The following HTR1F variants were observed in gnomAD, a reference collection of about 807,000 sequenced individuals.
HTR1F encodes the protein 5-hydroxytryptamine (serotonin) receptor 1F, G protein-coupled.
Under a neutral mutation model 24.0 loss-of-function variants are expected in HTR1F, and 17 were observed. That is an observed-to-expected ratio of 0.71 (90% confidence interval 0.48 to 1.06). The LOEUF (loss-of-function observed/expected upper bound fraction) is 1.06, where lower values mean the gene tolerates loss of function less well. Ranked by LOEUF, HTR1F falls within the 50% of genes least tolerant of loss-of-function variation. HTR1F has a pLI of 0.00. For missense variants in HTR1F, 391 were observed against 427.8 expected (o/e 0.91, Z 0.76); for synonymous variants, 186 against 156.8 (o/e 1.19, Z -1.39).
At chr3:87,948,579 G>A (rs1704764911) in intron 2 of HTR1F, among the ~76,000 whole-genome samples, 1 of 151,650 alleles carries the variant, frequency 6.6e-6, no homozygotes, top group East Asian at 1.9e-4. Flanking sequence ...CCTCCTGGGC[G>A]CAAGCAGTCT....
intron 2 of HTR1F, among the ~76,000 whole-genome samples, chr3:87,918,203 C>T (rs1415094605): frequency 1.3e-5 from 2 of 151,878 alleles, no homozygotes; most frequent in Non-Finnish European, 2.9e-5. Flanking sequence ...GCAAAATTGA[C>T]ATACAAGGGA....
At chr3:87,974,647 G>C (rs1420563274) in intron 2 of HTR1F, among the ~76,000 whole-genome samples, 1 of 152,092 alleles carries the variant, frequency 6.6e-6, no homozygotes, top group African/African-American at 2.4e-5. Context: ...TTGAGAAAAT[G>C]TTTTATGGCA....
intron 1 of HTR1F, among the ~76,000 whole-genome samples, 159 bp downstream of exon 1, chr3:87,793,001 T>C (rs760942375): frequency 1.8e-4 from 27 of 152,246 alleles, no homozygotes; most frequent in Non-Finnish European, 3.4e-4. Context: ...TTTCCCACAC[T>C]ACTTTGATCT....
chr3:87,945,821 C>T lies in HTR1F; in HGVS notation c.-42-44887C>T, dbSNP rs551906048. On this transcript the variant is annotated intron_variant, in intron 2 of 2. Transcript: ENST00000319595. Reference sequence around the variant, plus strand: ...AGCAAAAGTGGTCAAATATTACTCACGGCTTTAGAGGTCCCTTCTTGGTCG... The same window carrying T: ...AGCAAAAGTGGTCAAATATTACTCATGGCTTTAGAGGTCCCTTCTTGGTCG... 4.3e-4 allele frequency among the ~76,000 whole-genome samples: 66 copies of T among 152,214 alleles called. 1 individual carries two copies. The highest frequency in any genetic ancestry group is 5.9e-4 in the Non-Finnish European group (40 of 68,032).
intron 2 of HTR1F, among the ~76,000 whole-genome samples, chr3:87,978,203 T>C (rs1705440981): frequency 6.6e-6 from 1 of 152,104 alleles, no homozygotes; most frequent in South Asian, 2.1e-4. Flanking sequence ...ACTCAGAAGG[T>C]TGAAGACTCC....
At position 87,990,805 on chromosome 3, in the gene HTR1F, G is replaced by A; in HGVS notation, c.56G>A (p.Arg19Lys). 1 of 1,613,860 alleles carries A rather than the reference G, an allele frequency of 6.2e-7. No homozygotes were observed. Among genetic ancestry groups the A allele is most frequent in the Non-Finnish European group, 8.5e-7 (1 of 1,179,744 alleles). ...QNLTSEELLN[R>K]MPSKILVSLT... The stretch of plus-strand genomic sequence containing the variant: ...TTGACCTCAGAGGAACTGTTAAACA[G>A]AATGCCATCCAAAATTCTGGTGTCC... Residue 19 changes from arginine to lysine, a missense_variant, in exon 3 of 3, where the codon AGA (arginine) becomes AAA (lysine). Transcript: ENST00000319595.
At chr3:87,956,817 G>A (rs549590695) in intron 2 of HTR1F, among the ~76,000 whole-genome samples, 13 of 151,254 alleles carry the variant, frequency 8.6e-5, no homozygotes, top group African/African-American at 1.2e-4. Context: ...TTTTATTAAC[G>A]TTGTATCCTG....
rs1559656561 is a variant in HTR1F, at chr3:87,979,126, AG to A, written c.-42-11579del. The stretch of plus-strand genomic sequence containing the variant: ...AAGGAAGGGAGGAAGGAAGGGAGGG[AG>A]GGAGGGAGGGAGGGAGGGAGATGGG... On this transcript the variant is annotated intron_variant, in intron 2 of 2. Transcript: ENST00000319595. Among the ~76,000 whole-genome samples the A allele has an allele frequency of 1.6e-4, 5 of 30,748 alleles. No individual in the cohort carries two copies. In the South Asian group the frequency reaches 6.0e-3, roughly 37 times the overall value. 20.2% of individuals were successfully genotyped at this position (30,748 alleles called of 152,430 possible).
rs34843722 is a variant in HTR1F, at chr3:87,973,005, C to CAA, written c.-42-17689_-42-17688dup. Among the ~76,000 whole-genome samples, 990 of 141,122 alleles carry CAA rather than the reference C, an allele frequency of 7.0e-3. 8 individuals carry two copies. Among genetic ancestry groups the CAA allele is most frequent in the South Asian group, 0.017 (74 of 4,290 alleles). 92.6% of individuals were successfully genotyped at this position (141,122 alleles called of 152,430 possible). On this transcript the variant is annotated intron_variant, in intron 2 of 2. Coordinates refer to ENST00000319595, the MANE Select transcript of HTR1F (RefSeq NM_001322209.2). ...GGCCAACTCCATCTCTACTAAAATACAAAAAAAAAAAAAAATTTAGCCAGG... is the reference window on the plus strand; with the variant it reads ...GGCCAACTCCATCTCTACTAAAATACAAAAAAAAAAAAAAAAATTTAGCCAGG...
chr3:87,955,128 G>C (rs1295072110), intron 2 of HTR1F, among the ~76,000 whole-genome samples: 1 of 151,334 alleles, frequency 6.6e-6, no homozygotes, highest in African/African-American at 2.4e-5. Context: ...TAATAGTTGT[G>C]TATATCCTGA....
At chr3:87,929,515 T>C (rs954640847) in intron 2 of HTR1F, among the ~76,000 whole-genome samples, 6 of 152,214 alleles carry the variant, frequency 3.9e-5, no homozygotes, top group East Asian at 3.9e-4. Context: ...AGTTTCTGCA[T>C]ATGGGTAGCC....
At chr3:87,840,210 T>G (rs1704770855) in intron 2 of HTR1F, among the ~76,000 whole-genome samples, 3 of 152,192 alleles carry the variant, frequency 2.0e-5, no homozygotes, top group Admixed American at 2.0e-4. Context: ...TTATTTCTTT[T>G]TTGCTTGTTG....
At chr3:87,864,911 A>T (rs1705393361) in intron 2 of HTR1F, among the ~76,000 whole-genome samples, 1 of 151,076 alleles carries the variant, frequency 6.6e-6, no homozygotes, top group Non-Finnish European at 1.5e-5. Context: ...AAAAAAGAAA[A>T]GAAAAGAAAA....
At chr3:87,917,736 T>TA (rs145123303) in intron 2 of HTR1F, among the ~76,000 whole-genome samples, 40,076 of 148,254 alleles carry the variant, frequency 0.27, 5,689 homozygotes, top group African/African-American at 0.38. Flanking sequence ...TTAACAACAA[T>TA]AAAAAAAAAA....
At chr3:87,868,549 A>T (rs1267200840) in intron 2 of HTR1F, among the ~76,000 whole-genome samples, 1 of 151,794 alleles carries the variant, frequency 6.6e-6, no homozygotes, top group Non-Finnish European at 1.5e-5. Context: ...TTTAGGTAAA[A>T]TATTGCCTGT....
At position 87,808,338 on chromosome 3, in the gene HTR1F, A is replaced by G. The variant is rs188249557; in HGVS notation, c.-159-13670A>G. Among the ~76,000 whole-genome samples the G allele has an allele frequency of 1.4e-4, 21 of 151,932 alleles. No homozygotes were observed. The East Asian group carries it at 3.5e-3, about 25-fold the overall frequency. On this transcript the variant is annotated intron_variant, in intron 1 of 2. Transcript: ENST00000319595. The stretch of plus-strand genomic sequence containing the variant: ...AGATTTTTAATTTCTTCCTGATTCA[A>G]TCTTGGTCAGTTGTATGAGTCCAGG...
intron 2 of HTR1F, among the ~76,000 whole-genome samples, chr3:87,958,402 C>G (rs1704991319): frequency 1.3e-5 from 2 of 151,504 alleles, no homozygotes; most frequent in Non-Finnish European, 3.0e-5. Flanking sequence ...GAGTGACTGT[C>G]TGTCTCTCTT....
At chr3:87,949,721 A>G (rs567819177) in intron 2 of HTR1F, among the ~76,000 whole-genome samples, 91 of 152,176 alleles carry the variant, frequency 6.0e-4, no homozygotes, top group Non-Finnish European at 8.1e-4. Flanking sequence ...CACTCTAATT[A>G]CCATCTACTG....
intron 2 of HTR1F, among the ~76,000 whole-genome samples, chr3:87,931,210 C>T (rs1042411721): frequency 2.0e-5 from 3 of 152,020 alleles, no homozygotes; most frequent in Non-Finnish European, 4.4e-5. Flanking sequence ...CCCCCAACCC[C>T]ACAACAGTCC....
Sources: allele counts gnomAD v4.1 joint callset (sites outside exome capture counted in the v4.1 genomes callset), GRCh38; gene constraint gnomAD v4.1.1; transcripts MANE v1.5; gene names NCBI Gene and HGNC (gene_info 2026-07-23, HGNC 2026-07-21).